Variants in PEX5 observed in about 807,000 individuals in gnomAD.
The protein encoded by PEX5 is peroxisomal biogenesis factor 5.
A neutral mutation model predicts 82.9 loss-of-function variants in PEX5; 52 were observed. The ratio of observed to expected loss-of-function variants is 0.63; its 90% CI spans 0.50 to 0.79. PEX5 has a LOEUF of 0.79. Ranked by LOEUF, PEX5 falls within the 30% of genes least tolerant of loss-of-function variation. PEX5 has a pLI of 0.00. For missense variants in PEX5, 719 were observed against 815.2 expected (o/e 0.88, Z 1.44); for synonymous variants, 300 against 318.8 (o/e 0.94, Z 0.63).
intron 10 of PEX5, among the ~76,000 whole-genome samples, chr12:7,206,143 A>C (rs1944734190): frequency 6.6e-6 from 1 of 152,192 alleles, no homozygotes; most frequent in African/African-American, 2.4e-5. Flanking sequence ...ATTTTATTGA[A>C]CTGTAATAGT....
At chr12:7,201,997 T>C (rs1402786742) in intron 7 of PEX5, 156 bp downstream of exon 7, 1 of 754,414 alleles carries the variant, frequency 1.3e-6, no homozygotes, top group Non-Finnish European at 2.3e-6. Context: ...TCCTGCCTCT[T>C]CCTTCTAGTG....
chr12:7,199,359 C>T (rs1451707882), intron 6 of PEX5, among the ~76,000 whole-genome samples: 2 of 150,986 alleles, frequency 1.3e-5, no homozygotes, highest in Non-Finnish European at 1.5e-5. Flanking sequence ...CGGCCTTCCG[C>T]AGTGTTTGTG....
intron 11 of PEX5, 59 bp downstream of exon 11, chr12:7,207,861 G>A: frequency 1.3e-6 from 2 of 1,594,470 alleles, no homozygotes; most frequent in South Asian, 2.2e-5. Flanking sequence ...CTTGAGAAAG[G>A]CCCCAAGGAG....
chr12:7,201,635 A>T, intron 6 of PEX5, 116 bp from the exon 7 acceptor site: 1 of 791,052 alleles, frequency 1.3e-6, no homozygotes, highest in Admixed American at 1.9e-5. Context: ...GTAGGTTCTC[A>T]ACAGGAGAAT....
chr12:7,206,416 C>T (rs1467851759), intron 10 of PEX5, among the ~76,000 whole-genome samples: 1 of 152,224 alleles, frequency 6.6e-6, no homozygotes, highest in Middle Eastern at 3.2e-3. Flanking sequence ...AGCAGATCCA[C>T]GAAGCCTGAA....
intron 5 of PEX5, among the ~76,000 whole-genome samples, chr12:7,196,245 CAT>C (rs200897876): frequency 1.4e-4 from 4 of 28,094 alleles, no homozygotes; most frequent in African/African-American, 2.3e-4. Context: ...AATTATATGT[CAT>C]ATTTAATTAT....
At chr12:7,208,703 C>G in intron 13 of PEX5, 34 bp downstream of exon 13, 2 of 1,550,054 alleles carry the variant, frequency 1.3e-6, no homozygotes, top group Non-Finnish European at 1.8e-6. Context: ...TGAGGAATTA[C>G]AGTAACCTAA....
chr12:7,215,925 A>G (rs1206168152), downstream of PEX5, among the ~76,000 whole-genome samples: 1 of 152,056 alleles, frequency 6.6e-6, no homozygotes, highest in Non-Finnish European at 1.5e-5. Flanking sequence ...CAAAGACGCG[A>G]TTTAAATTAT....
intron 7 of PEX5, 187 bp downstream of exon 7, chr12:7,202,028 C>T: frequency 2.6e-6 from 2 of 776,882 alleles, no homozygotes; most frequent in South Asian, 1.6e-5. Flanking sequence ...CATCTCCTTG[C>T]CTACTAACTC....
rs74926388 is a variant in PEX5, at chr12:7,190,262, G to A, written c.-16-100G>A. 0.031 allele frequency: 49,764 copies of A among 1,591,844 alleles called. 926 individuals carry two copies. The highest frequency in any genetic ancestry group is 0.053 in the Middle Eastern group (251 of 4,698). ...ACTGGGGTGGAGGGCGGCCAGTGTG[G>A]GGCAGACGCCTGTGTGCCTTCCTCA... On this transcript the variant is annotated intron_variant, in intron 1 of 15. Transcript: ENST00000675855.
At chr12:7,197,234 TGTA>T (rs1453990182) in intron 5 of PEX5, among the ~76,000 whole-genome samples, 3,887 of 50,860 alleles carry the variant, frequency 0.076, 514 homozygotes, top group Non-Finnish European at 0.1. Context: ...ATATGTCATA[TGTA>T]ATAATTATAT....
chr12:7,213,662 A>T (rs1945691911), downstream of PEX5, among the ~76,000 whole-genome samples: 1 of 149,050 alleles, frequency 6.7e-6, no homozygotes, highest in Non-Finnish European at 1.5e-5. Flanking sequence ...GGACATAGGC[A>T]TGGGCAAGGA....
At chr12:7,203,204 C>T (rs74503370) in intron 9 of PEX5, among the ~76,000 whole-genome samples, 1 of 84,112 alleles carries the variant, frequency 1.2e-5, no homozygotes, top group African/African-American at 3.5e-5. Flanking sequence ...CACTGCACTG[C>T]ACTGCACTGC....
At chr12:7,216,496 G>T (rs570784700) in intron 17 of PEX5, among the ~76,000 whole-genome samples, 1 of 152,202 alleles carries the variant, frequency 6.6e-6, no homozygotes, top group African/African-American at 2.4e-5. Flanking sequence ...TAGAACTATT[G>T]TATGTCCAAA....
downstream of PEX5, among the ~76,000 whole-genome samples, chr12:7,211,769 G>A (rs909467666): frequency 5.9e-5 from 9 of 152,214 alleles, no homozygotes; most frequent in Middle Eastern, 3.4e-3. Flanking sequence ...TACATGGAAG[G>A]ATTTTGATAG....
rs1265109726 is a variant in PEX5, at chr12:7,209,798, G to A, written c.1676G>A (p.Arg559His). The A allele has an allele frequency of 5.0e-6, 8 of 1,614,200 alleles. No individual in the cohort carries two copies. The highest frequency in any genetic ancestry group is 3.3e-5 in the South Asian group (3 of 91,086). Residue 559 changes from arginine to histidine, a missense_variant, in exon 15 of 16, where the codon CGC becomes CAC. Physicochemically the swap from Arg to His is conservative, Grantham distance 29 (BLOSUM62 0). Coordinates refer to ENST00000675855, the MANE Select transcript of PEX5 (RefSeq NM_001351132.2). ...CTCCAGCCTGGCTATATCCGGTCCC[G>A]CTATAACCTGGGCATCAGCTGCATC... ...LELQPGYIRS[R>H]YNLGISCINL... is the part of the protein sequence containing the mutation.
At chr12:7,192,520 C>T (rs184634661) in intron 5 of PEX5, among the ~76,000 whole-genome samples, 2 of 152,336 alleles carry the variant, frequency 1.3e-5, no homozygotes, top group East Asian at 1.9e-4. Context: ...TTGCCCTAAG[C>T]CTATCTAATC....
chr12:7,209,837 A>C lies in PEX5; in HGVS notation c.1715A>C (p.His572Pro). 1.2e-6 allele frequency: 2 copies of C among 1,614,192 alleles called. No homozygotes were observed. Among genetic ancestry groups the C allele is most frequent in the Non-Finnish European group, 1.7e-6 (2 of 1,180,032 alleles). Residue 572 changes from histidine (H) to proline (P), a missense_variant, in exon 15 of 16, where the codon CAC (histidine) becomes CCC (proline). Physicochemically the swap from His to Pro is moderately conservative, Grantham distance 77. Transcript: ENST00000675855. ...ATCAGCTGCATCAACCTCGGGGCTC[A>C]CCGGTGAGAGTATCTATTGAGAAAT... is the stretch of plus-strand genomic sequence containing the variant. ...LGISCINLGA[H>P]REAVEHFLEA...
chr12:7,207,269 C>T (rs1334068854), intron 10 of PEX5, among the ~76,000 whole-genome samples: 1 of 152,128 alleles, frequency 6.6e-6, no homozygotes, highest in African/African-American at 2.4e-5. Context: ...TGAAGGATAA[C>T]AAGAAATGCA....
Sources: allele counts gnomAD v4.1 joint callset (sites outside exome capture counted in the v4.1 genomes callset), GRCh38; gene constraint gnomAD v4.1.1; transcripts MANE v1.5; gene names NCBI Gene and HGNC (gene_info 2026-07-23, HGNC 2026-07-21).